XRCC6: variants seen among roughly 807,000 people sequenced by gnomAD.
XRCC6 encodes DNA repair protein Ku70.
XRCC6 carries 5 observed loss-of-function variants against 65.7 expected under a neutral mutation model. The ratio of observed to expected loss-of-function variants is 0.08; its 90% CI spans 0.04 to 0.16. The LOEUF (loss-of-function observed/expected upper bound fraction) is 0.16, where lower values mean the gene tolerates loss of function less well. Ranked by LOEUF, XRCC6 falls within the 10% of genes least tolerant of loss-of-function variation. The pLI, the probability that XRCC6 is intolerant of heterozygous loss-of-function variation, is 1.00. For synonymous variants in XRCC6, 270 were observed against 270.6 expected, an observed-to-expected ratio of 1.00 and a Z score of 0.02; for missense variants, 447 against 738.1, an observed-to-expected ratio of 0.61 and a Z score of 4.57.
rs563188813 is a variant in XRCC6, at chr22:41,663,970, G to A, written c.*155G>A. ...TTTTGAGGCTTTCTGTTGCCATGGT[G>A]ATGGTGTAGCCCTCCCACTTTGCTG... On this transcript the variant is annotated 3_prime_UTR_variant, in exon 13 of 13. Coordinates refer to ENST00000360079, the MANE Select transcript of XRCC6 (RefSeq NM_001469.5). The A allele has an allele frequency of 9.9e-5, 80 of 808,122 alleles. No homozygotes were observed. The highest frequency in any genetic ancestry group is 1.3e-4 in the Non-Finnish European group (66 of 515,942). 50.1% of individuals were successfully genotyped at this position (808,122 alleles called of 1,614,324 possible). A position where few individuals can be genotyped will look rare whatever the true frequency, so the allele number is the denominator to read the frequency against.
At chr22:41,626,800 G>T (rs2067680694) in intron 2 of XRCC6, among the ~76,000 whole-genome samples, 3 of 151,982 alleles carry the variant, frequency 2.0e-5, no homozygotes, top group South Asian at 4.1e-4. Flanking sequence ...ACCACGCCCA[G>T]CTAATTTTTT....
At chr22:41,633,616 C>T (rs912828298) in intron 3 of XRCC6, among the ~76,000 whole-genome samples, 3 of 152,214 alleles carry the variant, frequency 2.0e-5, no homozygotes, top group Admixed American at 1.3e-4. Context: ...CTCCTGACCT[C>T]GTGATCTGCC....
chr22:41,640,616 C>A (rs1401338466), intron 6 of XRCC6, among the ~76,000 whole-genome samples: 1 of 152,198 alleles, frequency 6.6e-6, no homozygotes, highest in Non-Finnish European at 1.5e-5. Flanking sequence ...AGTTTACTGA[C>A]AATTCTACCA....
At chr22:41,627,248 G>C (rs1263568778) in intron 2 of XRCC6, among the ~76,000 whole-genome samples, 1 of 152,098 alleles carries the variant, frequency 6.6e-6, no homozygotes, top group Admixed American at 6.6e-5. Context: ...ATGTAGGTTT[G>C]GGTGATAAAA....
intron 12 of XRCC6, among the ~76,000 whole-genome samples, chr22:41,662,524 CCTAT>C (rs2068109307): frequency 6.6e-6 from 1 of 152,090 alleles, no homozygotes; most frequent in African/African-American, 2.4e-5. Flanking sequence ...TCCACACTTA[CCTAT>C]CTCATTTTTT....
chr22:41,658,193 T>C, intron 10 of XRCC6, 59 bp from the exon 11 acceptor site: 1 of 1,579,344 alleles, frequency 6.3e-7, no homozygotes, highest in Non-Finnish European at 8.7e-7. Context: ...GGTTTTATTC[T>C]AATTTTTTCA....
intron 7 of XRCC6, among the ~76,000 whole-genome samples, chr22:41,649,797 A>G (rs2067976925): frequency 6.6e-6 from 1 of 151,578 alleles, no homozygotes; most frequent in South Asian, 2.1e-4. Flanking sequence ...TGGAGCCTGC[A>G]GTGAGCCGAG....
chr22:41,661,334 C>A lies in XRCC6; in HGVS notation c.1526C>A (p.Pro509His). ...CTTCTGTGTTTTGATTTTCTAGTGC[C>A]CAAGGTTGAAGCAATGAATAAAAGA... ...EPEQAVDLTL[P>H]KVEAMNKRLG... is the part of the protein sequence containing the mutation. Residue 509 changes from proline to histidine, a missense_variant, in exon 12 of 13, where the codon CCC becomes CAC. By Grantham distance (77) the Pro-to-His change is moderately conservative. Around this residue, in one of 4 missense-constraint regions of XRCC6, gnomAD observed 201 missense variants for 374.1 expected, o/e 0.54. Transcript: ENST00000360079. 1 of 1,612,676 alleles carries A rather than the reference C, an allele frequency of 6.2e-7. No homozygotes were observed. The highest frequency in any genetic ancestry group is 8.5e-7 in the Non-Finnish European group (1 of 1,179,636).
chr22:41,648,561 A>T (rs2067959290), intron 7 of XRCC6, among the ~76,000 whole-genome samples: 1 of 152,164 alleles, frequency 6.6e-6, no homozygotes, highest in South Asian at 2.1e-4. Flanking sequence ...AGGACGCAGA[A>T]CATTGTCTTT....
chr22:41,630,217 C>T (rs1048255347), intron 3 of XRCC6, among the ~76,000 whole-genome samples: 4 of 150,582 alleles, frequency 2.7e-5, no homozygotes, highest in East Asian at 2.0e-4. Flanking sequence ...CCCCTGACCT[C>T]GTGATCTGCT....
In XRCC6 at chr22:41,663,824, C is replaced by T. The variant is rs28384786; in HGVS notation, c.*9C>T. 4,268 of 1,606,916 alleles carry T rather than the reference C, an allele frequency of 2.7e-3. 150 individuals carry two copies. In the Admixed American group the frequency reaches 0.062, roughly 23 times the overall value. ...AGCACTTCCAGGACTGACCAGAGGC[C>T]GCGCGTCCAGCTGCCCTTCCGCAGT... is the stretch of plus-strand genomic sequence containing the variant. On this transcript the variant is annotated 3_prime_UTR_variant, in exon 13 of 13. Transcript: ENST00000360079.
In XRCC6 at chr22:41,636,767, A is replaced by C; in HGVS notation, c.586A>C (p.Thr196Pro). The C allele has an allele frequency of 6.2e-7, 1 of 1,613,556 alleles. No individual in the cohort carries two copies. The change falls in exon 5 of 13, where the codon ACA becomes CCA. Residue 196 changes from threonine to proline, a missense_variant. Coordinates refer to ENST00000360079, the MANE Select transcript of XRCC6 (RefSeq NM_001469.5). ...GACCAAAGCCGGTGATCTCCGAGAT[A>C]CAGGTGGGCATATTTCCCCGTTCTC... ...ARTKAGDLRD[T>P]GIFLDLMHLK... is the part of the protein sequence containing the mutation.
At chr22:41,639,329 C>CTTTTTTTT (rs386395480) in intron 6 of XRCC6, among the ~76,000 whole-genome samples, 1,901 of 64,560 alleles carry the variant, frequency 0.029, 449 homozygotes, top group East Asian at 0.045. Context: ...GATTCTTTTT[C>CTTTTTTTT]TTTTTTTTTT....
intron 9 of XRCC6, among the ~76,000 whole-genome samples, chr22:41,654,039 G>A (rs889192629): frequency 6.6e-6 from 1 of 152,082 alleles, no homozygotes; most frequent in African/African-American, 2.4e-5. Context: ...CTAATGTTTG[G>A]TTTAGTTCCT....
At chr22:41,659,751 C>A (rs1194859383) in intron 11 of XRCC6, among the ~76,000 whole-genome samples, 1 of 151,836 alleles carries the variant, frequency 6.6e-6, no homozygotes, top group Non-Finnish European at 1.5e-5. Context: ...GTGGTGGGAT[C>A]TCGGCTCACT....
intron 3 of XRCC6, among the ~76,000 whole-genome samples, chr22:41,634,135 G>A (rs1207898312): frequency 6.6e-6 from 1 of 152,138 alleles, no homozygotes; most frequent in Non-Finnish European, 1.5e-5. Flanking sequence ...AGGACATGGA[G>A]GGGATCACCA....
intron 4 of XRCC6, 95 bp downstream of exon 4, chr22:41,636,346 T>C (rs1471917899): frequency 6.7e-7 from 1 of 1,498,650 alleles, no homozygotes; most frequent in East Asian, 2.3e-5. Flanking sequence ...AGTTACATCT[T>C]GTCTAGGAGT....
intron 6 of XRCC6, among the ~76,000 whole-genome samples, chr22:41,644,121 TG>T (rs1267076081): frequency 6.6e-6 from 1 of 152,074 alleles, no homozygotes; most frequent in African/African-American, 2.4e-5. Flanking sequence ...CACTCCAGCC[TG>T]GGTGACAGAG....
At chr22:41,630,840 GAA>G (rs2067734607) in intron 3 of XRCC6, among the ~76,000 whole-genome samples, 1 of 152,180 alleles carries the variant, frequency 6.6e-6, no homozygotes, top group African/African-American at 2.4e-5. Context: ...AGAACAAAAT[GAA>G]AAGTCTCCCA....
Sources: gnomAD v4.1 joint callset for allele counts (sites outside exome capture counted in the v4.1 genomes callset) on GRCh38, gnomAD v4.1.1 for gene constraint, gnomAD v4.1.1 regional missense constraint, MANE v1.5 for transcripts, NCBI Gene and HGNC (gene_info 2026-07-23, HGNC 2026-07-21) for gene names.